TXLNB: variants seen among roughly 807,000 people sequenced by gnomAD.
TXLNB encodes the protein beta-taxilin.
A neutral mutation model predicts 57.4 loss-of-function variants in TXLNB; 37 were observed. The observed-to-expected ratio is 0.64, with a 90% CI of 0.50 to 0.85. The LOEUF (loss-of-function observed/expected upper bound fraction) is 0.85. Among genes scored for constraint, TXLNB ranks in the 40% least tolerant of loss-of-function variants. TXLNB has a pLI of 0.00. For synonymous variants in TXLNB, 302 were observed against 309.6 expected (o/e 0.98, Z 0.26); for missense variants, 848 against 825.6 (o/e 1.03, Z -0.33).
chr6:139,164,696 G>A, the TXLNB span, among the ~76,000 whole-genome samples: 2 of 152,126 alleles, frequency 1.3e-5, no homozygotes, highest in African/African-American at 4.8e-5. Flanking sequence ...GAAAATTGTA[G>A]AAATGCCAAG....
the TXLNB span, among the ~76,000 whole-genome samples, chr6:139,189,900 C>G: frequency 6.6e-6 from 1 of 152,176 alleles, no homozygotes; most frequent in Non-Finnish European, 1.5e-5. Context: ...AGGCTCTCCT[C>G]TAGGGCAGGG....
downstream of TXLNB, among the ~76,000 whole-genome samples, chr6:139,236,245 G>A (rs1273380849): frequency 2.6e-5 from 4 of 152,238 alleles, no homozygotes; most frequent in Non-Finnish European, 4.4e-5. Context: ...ACCTGCAGAC[G>A]GCTAAACTGA....
At chr6:139,278,336 C>T (rs1776953842) in intron 2 of TXLNB, among the ~76,000 whole-genome samples, 1 of 152,122 alleles carries the variant, frequency 6.6e-6, no homozygotes, top group Admixed American at 6.5e-5. Flanking sequence ...TCATTCCCAA[C>T]AGTTAGTTTT....
chr6:139,239,125 A>T (rs543219420), downstream of TXLNB: 7 of 152,244 alleles, frequency 4.6e-5, no homozygotes, highest in Non-Finnish European at 1.0e-4. This position sits in a 1 kb window ranked among gnomAD's most constrained non-coding sequence, Gnocchi z 4.7. Flanking sequence ...TTCTCACAGC[A>T]CGCTAGGAAA....
chr6:139,305,882 T>A, the TXLNB span, among the ~76,000 whole-genome samples: 1 of 152,224 alleles, frequency 6.6e-6, no homozygotes, highest in Non-Finnish European at 1.5e-5. Flanking sequence ...TCTTCCTTAA[T>A]GAGTTTGCAT....
intron 3 of TXLNB, among the ~76,000 whole-genome samples, chr6:139,274,744 T>G (rs1776851326): frequency 6.6e-6 from 1 of 152,138 alleles, no homozygotes; most frequent in Non-Finnish European, 1.5e-5. Context: ...CACACATCAC[T>G]TCCTGTATTA....
the TXLNB span, chr6:139,166,433 A>G: frequency 1.2e-6 from 2 of 1,614,096 alleles, no homozygotes. Context: ...GGAGAGCAGC[A>G]TCCTCGTCCA....
rs1352320668 is a variant in TXLNB at position 139,255,685 on chromosome 6, A to G, written c.1003-47T>C. 7 of 1,487,956 alleles carry G rather than the reference A, an allele frequency of 4.7e-6. No homozygotes were observed. In the East Asian group the frequency reaches 1.6e-4, roughly 34 times the overall value. 92.2% of individuals were successfully genotyped at this position (1,487,956 alleles called of 1,614,324 possible). A position where few individuals can be genotyped will look rare whatever the true frequency, so the allele number is the denominator to read the frequency against. ...GGAAAGATGGTCAGATTTGCCTTTT[A>G]GATTACTATTTGGCTGTAATTTGTC... On this transcript the variant is annotated intron_variant, in intron 6 of 9. Transcript: ENST00000358430.
chr6:139,204,054 A>AT, the TXLNB span, among the ~76,000 whole-genome samples: 849 of 148,032 alleles, frequency 5.7e-3, 8 homozygotes, highest in African/African-American at 0.018. Context: ...TAATGTCCTA[A>AT]TTTTTTTTTT....
chr6:139,212,698 G>A, the TXLNB span, among the ~76,000 whole-genome samples: 26 of 152,280 alleles, frequency 1.7e-4, no homozygotes, highest in African/African-American at 6.3e-4. Context: ...TGGATAAAGA[G>A]TCAAGACCCA....
chr6:139,309,055 G>A, the TXLNB span, among the ~76,000 whole-genome samples: 1 of 152,146 alleles, frequency 6.6e-6, no homozygotes, highest in African/African-American at 2.4e-5. Flanking sequence ...GCCTAGCCTT[G>A]TCCAACCACA....
intron 3 of TXLNB, among the ~76,000 whole-genome samples, chr6:139,275,128 C>T (rs1776860489): frequency 6.6e-6 from 1 of 151,944 alleles, no homozygotes; most frequent in African/African-American, 2.4e-5. Flanking sequence ...TTTAGTAAGC[C>T]TATTTCTGGA....
chr6:139,219,106 A>G, the TXLNB span, among the ~76,000 whole-genome samples: 1 of 152,208 alleles, frequency 6.6e-6, no homozygotes, highest in African/African-American at 2.4e-5. Flanking sequence ...CAACTCCACA[A>G]TTGCTGGCTT....
At chr6:139,315,293 AT>A in the TXLNB span, among the ~76,000 whole-genome samples, 1 of 152,166 alleles carries the variant, frequency 6.6e-6, no homozygotes, top group Non-Finnish European at 1.5e-5. Flanking sequence ...AGGGAGACTG[AT>A]TTGAGTAATA....
chr6:139,200,127 T>TG, the TXLNB span: 1 of 152,308 alleles, frequency 6.6e-6, no homozygotes, highest in Non-Finnish European at 1.5e-5. Flanking sequence ...AGGACTCCCC[T>TG]GCAGCCTTGC....
chr6:139,272,143 CT>C (rs1207169518), intron 3 of TXLNB, among the ~76,000 whole-genome samples: 10 of 152,124 alleles, frequency 6.6e-5, no homozygotes, highest in African/African-American at 2.4e-4. Flanking sequence ...CCCATCTCTA[CT>C]AAAAATACAT....
the TXLNB span, among the ~76,000 whole-genome samples, chr6:139,219,415 G>C: frequency 6.6e-6 from 1 of 152,206 alleles, no homozygotes; most frequent in Non-Finnish European, 1.5e-5. Context: ...GAAGCTGGCA[G>C]CCGCACGGAG....
the TXLNB span, among the ~76,000 whole-genome samples, chr6:139,299,467 T>G: frequency 6.6e-6 from 1 of 152,218 alleles, no homozygotes; most frequent in African/African-American, 2.4e-5. Flanking sequence ...GTCCCAACTT[T>G]GAAGTCCTCA....
the TXLNB span, among the ~76,000 whole-genome samples, chr6:139,299,357 C>T: frequency 6.6e-5 from 10 of 152,170 alleles, no homozygotes; most frequent in African/African-American, 2.4e-4. Context: ...GGAAACATAT[C>T]CCATCTGAAA....
Sources: allele counts gnomAD v4.1 joint callset (sites outside exome capture counted in the v4.1 genomes callset), GRCh38; gene constraint gnomAD v4.1.1; non-coding constraint Gnocchi (gnomAD v3.1); transcripts MANE v1.5; gene names NCBI Gene and HGNC (gene_info 2026-07-23, HGNC 2026-07-21).